The following BICDL1 variants were observed in gnomAD, a reference collection of about 807,000 sequenced individuals.
BICDL1 encodes the protein BICD family like cargo adaptor 1.
Under a neutral mutation model 76.8 loss-of-function variants are expected in BICDL1, and 20 were observed. The ratio of observed to expected loss-of-function variants is 0.26; its 90% CI spans 0.18 to 0.38. The LOEUF (loss-of-function observed/expected upper bound fraction) is 0.38. Among genes scored for constraint, BICDL1 ranks in the 10% least tolerant of loss-of-function variants. The pLI is 1.00. For missense variants in BICDL1, 700 were observed against 798.6 expected, an observed-to-expected ratio of 0.88 and a Z score of 1.49; for synonymous variants, 383 against 337.1, an observed-to-expected ratio of 1.14 and a Z score of -1.49.
Position 119,989,604 on chromosome 12 carries a change from C to T in BICDL1, c.-265C>T, listed in dbSNP as rs1310230524. On this transcript the variant is annotated 5_prime_UTR_variant, in exon 1 of 10. Transcript: ENST00000548673. Reference sequence around the variant, plus strand: ...CCTTCCCCAGCCTTCCCGTTCCCACCACCTACTCCGCCACTACCCCCACCC... The same window carrying T: ...CCTTCCCCAGCCTTCCCGTTCCCACTACCTACTCCGCCACTACCCCCACCC... Among the ~76,000 whole-genome samples the T allele has an allele frequency of 6.7e-6, 1 of 150,056 alleles. No individual in the cohort carries two copies. The highest frequency in any genetic ancestry group is 6.6e-5 in the Admixed American group (1 of 15,106).
chr12:120,040,511 G>C (rs1327865930), intron 2 of BICDL1, among the ~76,000 whole-genome samples: 1 of 151,728 alleles, frequency 6.6e-6, no homozygotes, highest in Non-Finnish European at 1.5e-5. Context: ...CACCTCCCAG[G>C]CTCAAGCCAT....
intron 1 of BICDL1, among the ~76,000 whole-genome samples, chr12:119,995,863 G>A (rs1423328446): frequency 6.6e-6 from 1 of 151,922 alleles, no homozygotes; most frequent in African/African-American, 2.4e-5. Flanking sequence ...GTGGGCGCCT[G>A]TAGTCCCAGC....
chr12:120,005,842 T>C (rs1489927076), intron 2 of BICDL1, among the ~76,000 whole-genome samples: 1 of 152,240 alleles, frequency 6.6e-6, no homozygotes, highest in African/African-American at 2.4e-5. Flanking sequence ...GTGTTGGTTA[T>C]AGTGATTTAG....
intron 9 of BICDL1, among the ~76,000 whole-genome samples, chr12:120,090,435 T>C (rs892834542): frequency 6.6e-6 from 1 of 152,158 alleles, no homozygotes; most frequent in Non-Finnish European, 1.5e-5. Flanking sequence ...GGGATGCGGC[T>C]CAGCAACCCT....
intron 2 of BICDL1, among the ~76,000 whole-genome samples, chr12:120,047,160 G>A (rs1952765448): frequency 6.6e-6 from 1 of 152,006 alleles, no homozygotes; most frequent in Admixed American, 6.6e-5. Context: ...CCTTCTAAAT[G>A]GCACATAGTG....
intron 1 of BICDL1, among the ~76,000 whole-genome samples, chr12:119,994,719 A>C (rs976845289): frequency 2.6e-5 from 4 of 151,888 alleles, no homozygotes; most frequent in African/African-American, 9.7e-5. Context: ...TAAACTCCTG[A>C]CCTCGTGATC....
intron 1 of BICDL1, among the ~76,000 whole-genome samples, chr12:119,994,169 A>G (rs1330957543): frequency 6.6e-6 from 1 of 152,012 alleles, no homozygotes; most frequent in Non-Finnish European, 1.5e-5. Context: ...TCCCTCAGTT[A>G]TATTTTCCTC....
intron 2 of BICDL1, among the ~76,000 whole-genome samples, chr12:120,056,231 T>C (rs1474923082): frequency 1.3e-5 from 2 of 152,242 alleles, no homozygotes; most frequent in Non-Finnish European, 2.9e-5. Flanking sequence ...GTAACTTTTA[T>C]CATAGAAAGA....
intron 4 of BICDL1, among the ~76,000 whole-genome samples, chr12:120,068,642 C>T (rs183383692): frequency 1.3e-5 from 2 of 152,286 alleles, no homozygotes; most frequent in Admixed American, 6.5e-5. Flanking sequence ...ATGGTGAAAC[C>T]CCGTCTCTAC....
chr12:120,022,306 G>T (rs1156397202), intron 2 of BICDL1, among the ~76,000 whole-genome samples: 1 of 151,118 alleles, frequency 6.6e-6, no homozygotes, highest in Non-Finnish European at 1.5e-5. Flanking sequence ...GCTCATGCCT[G>T]TAATCTCTGC....
intron 1 of BICDL1, among the ~76,000 whole-genome samples, chr12:119,996,116 A>G (rs1352229103): frequency 6.6e-6 from 1 of 152,168 alleles, no homozygotes; most frequent in Non-Finnish European, 1.5e-5. Context: ...AACAGACTGT[A>G]TAAAATATAA....
chr12:120,072,377 AC>A, intron 5 of BICDL1, 133 bp from the exon 6 acceptor site: 1 of 755,986 alleles, frequency 1.3e-6, no homozygotes, highest in South Asian at 1.8e-5. Context: ...TAAAAAAAAA[AC>A]ACAGAACAAA....
chr12:120,089,419 C>A (rs958606893), intron 8 of BICDL1, among the ~76,000 whole-genome samples: 13 of 151,840 alleles, frequency 8.6e-5, no homozygotes, highest in Admixed American at 8.5e-4. Context: ...GAGTTCTGCT[C>A]TTTTTGCCCA....
intron 2 of BICDL1, among the ~76,000 whole-genome samples, chr12:120,021,742 T>C (rs531181097): frequency 6.7e-6 from 1 of 150,320 alleles, no homozygotes; most frequent in South Asian, 2.1e-4. Context: ...CTGTCCCCAC[T>C]AAAAATACTA....
At chr12:119,996,543 C>G (rs1951649281) in intron 1 of BICDL1, among the ~76,000 whole-genome samples, 1 of 152,112 alleles carries the variant, frequency 6.6e-6, no homozygotes, top group Non-Finnish European at 1.5e-5. Context: ...AGTATAGCCT[C>G]TCAAGATAAG....
intron 2 of BICDL1, among the ~76,000 whole-genome samples, chr12:120,006,336 G>C (rs906016304): frequency 1.3e-5 from 2 of 152,124 alleles, no homozygotes; most frequent in African/African-American, 4.8e-5. Flanking sequence ...TTCACAATTT[G>C]AAAAATTCAT....
rs1566273772 is a variant in BICDL1 at position 120,090,082 on chromosome 12, G to C, written c.1704+11G>C. The C allele has an allele frequency of 3.1e-6, 5 of 1,613,506 alleles. No individual in the cohort carries two copies. Among genetic ancestry groups the C allele is most frequent in the Non-Finnish European group, 4.2e-6 (5 of 1,179,822 alleles). ...CTGGAAGCTTGGCAGGTAAACTGGA[G>C]CCTGAGATCCAGGGCGAGAGGAGAC... On this transcript the variant is annotated intron_variant, in intron 9 of 9. Transcript: ENST00000548673.
chr12:120,030,748 A>G (rs1435151341), intron 2 of BICDL1, among the ~76,000 whole-genome samples: 1 of 152,170 alleles, frequency 6.6e-6, no homozygotes. Flanking sequence ...AAATATATAC[A>G]TCTCATATTC....
At chr12:120,090,325 G>T in intron 9 of BICDL1, 1 of 420,274 alleles carries the variant, frequency 2.4e-6, no homozygotes, top group Non-Finnish European at 4.2e-6. Context: ...TTGGAATGGG[G>T]CCCCCTTTCA....
Sources: gnomAD v4.1 joint callset for allele counts (sites outside exome capture counted in the v4.1 genomes callset) on GRCh38, gnomAD v4.1.1 for gene constraint, MANE v1.5 for transcripts, NCBI Gene and HGNC (gene_info 2026-07-23, HGNC 2026-07-21) for gene names.